The following KLF12 variants were observed in gnomAD, a reference collection of about 807,000 sequenced individuals.
KLF12 encodes the protein KLF transcription factor 12, also known as Krueppel-like factor 12.
KLF12 carries 9 observed loss-of-function variants against 37.8 expected under a neutral mutation model. That is an observed-to-expected ratio of 0.24 (90% CI 0.14 to 0.42). The LOEUF (loss-of-function observed/expected upper bound fraction) is 0.42, where lower values mean the gene tolerates loss of function less well. Ranked by LOEUF, KLF12 falls within the 10% of genes least tolerant of loss-of-function variation. The probability of loss-of-function intolerance (pLI) is 1.00; values close to 1 mark genes in which losing one functional copy is unlikely to be tolerated. For synonymous variants in KLF12, 208 were observed against 202.1 expected, an observed-to-expected ratio of 1.03 and a Z score of -0.25; for missense variants, 411 against 516.0, an observed-to-expected ratio of 0.80 and a Z score of 1.97.
At chr13:74,298,247 A>G in the KLF12 span, among the ~76,000 whole-genome samples, 231 of 152,290 alleles carry the variant, frequency 1.5e-3, no homozygotes, top group Non-Finnish European at 2.4e-3. Flanking sequence ...TTTTCAGAGG[A>G]ATTTGCCTGA....
chr13:74,134,784 T>A (rs1222239851), upstream of KLF12, among the ~76,000 whole-genome samples: 4 of 151,466 alleles, frequency 2.6e-5, no homozygotes, highest in African/African-American at 9.7e-5. Flanking sequence ...CAGACAGGCT[T>A]AGGAGAATTC....
chr13:74,266,851 A>C, the KLF12 span, among the ~76,000 whole-genome samples: 2 of 152,210 alleles, frequency 1.3e-5, no homozygotes, highest in African/African-American at 2.4e-5. Context: ...AATAACAAAA[A>C]CCAGTGGACC....
intron 1 of KLF12, among the ~76,000 whole-genome samples, chr13:74,065,270 A>C (rs1156816781): frequency 6.6e-6 from 1 of 151,212 alleles, no homozygotes; most frequent in African/African-American, 2.4e-5. Flanking sequence ...TATCTAATTC[A>C]TATGCACATA....
the KLF12 span, among the ~76,000 whole-genome samples, chr13:74,198,697 GA>G: frequency 6.6e-6 from 1 of 152,004 alleles, no homozygotes; most frequent in East Asian, 1.9e-4. Context: ...GAGTTGAAAA[GA>G]AAAAAACCCA....
rs149303758 is a variant in KLF12, at chr13:73,729,115, T to C, written c.870-13590A>G. On this transcript the variant is annotated intron_variant, in intron 6 of 7. Transcript: ENST00000377669. ...TCAGCCCTGCTCTTACCTAGAACTT[T>C]TCATATCACTAAAGTTTCACGGCCA... Among the ~76,000 whole-genome samples the C allele has an allele frequency of 3.2e-3, 494 of 152,320 alleles. 2 individuals carry two copies. The highest frequency in any genetic ancestry group is 0.011 in the African/African-American group (470 of 41,566).
At chr13:73,953,008 G>GT (rs1483149979) in intron 2 of KLF12, among the ~76,000 whole-genome samples, 2 of 152,170 alleles carry the variant, frequency 1.3e-5, no homozygotes, top group Non-Finnish European at 2.9e-5. Flanking sequence ...AGTGCTGGTG[G>GT]TAAGAAAGAG....
chr13:74,164,414 T>C, the KLF12 span, among the ~76,000 whole-genome samples: 1 of 152,224 alleles, frequency 6.6e-6, no homozygotes, highest in Non-Finnish European at 1.5e-5. Context: ...TATTCTTTTT[T>C]ATATTACCCC....
intron 1 of KLF12, among the ~76,000 whole-genome samples, chr13:74,132,174 T>A (rs1878296647): frequency 6.6e-6 from 1 of 152,106 alleles, no homozygotes; most frequent in Non-Finnish European, 1.5e-5. Flanking sequence ...TCTAAAAGCG[T>A]TTCTTAGAAG....
chr13:74,257,377 T>C, the KLF12 span: 1 of 152,216 alleles, frequency 6.6e-6, no homozygotes, highest in Non-Finnish European at 1.5e-5. Flanking sequence ...AGAGTCCCTG[T>C]ACTCTCCAGC....
At chr13:74,121,173 G>A (rs1398349715) in intron 1 of KLF12, among the ~76,000 whole-genome samples, 1 of 152,004 alleles carries the variant, frequency 6.6e-6, no homozygotes. Context: ...TGACAGCACT[G>A]AAAAGAGAAT....
intron 5 of KLF12, among the ~76,000 whole-genome samples, chr13:73,771,361 C>G (rs1880258137): frequency 6.6e-6 from 1 of 152,178 alleles, no homozygotes. Flanking sequence ...CCTGATTTTC[C>G]TACTAAACTA....
rs1873654692 is a variant in KLF12 at position 73,688,872 on chromosome 13, C to T, written c.*6618G>A. The T allele has an allele frequency of 6.6e-6, 1 of 152,092 alleles. No homozygotes were observed. Among genetic ancestry groups the T allele is most frequent in the Non-Finnish European group, 1.5e-5 (1 of 68,022 alleles). The allele number at this position is 152,092 out of a possible 1,614,324, so 9.4% of individuals were successfully genotyped here. On this transcript the variant is annotated 3_prime_UTR_variant, in exon 8 of 8. Transcript: ENST00000377669. Reference sequence around the variant, plus strand: ...GCAGTGTGGTGGAGTGGGAAAGATACAGGCAGACCTCCAGGTCAGAGATAG... The same window carrying T: ...GCAGTGTGGTGGAGTGGGAAAGATATAGGCAGACCTCCAGGTCAGAGATAG...
At chr13:73,936,540 G>A (rs1388326096) in intron 3 of KLF12, among the ~76,000 whole-genome samples, 1 of 152,016 alleles carries the variant, frequency 6.6e-6, no homozygotes, top group African/African-American at 2.4e-5. Flanking sequence ...GGCCCCTCTG[G>A]AGATCTCCAG....
chr13:73,901,330 C>G (rs532267748), intron 3 of KLF12, among the ~76,000 whole-genome samples: 2 of 152,186 alleles, frequency 1.3e-5, no homozygotes, highest in African/African-American at 4.8e-5. Context: ...TAATTACAGT[C>G]TGTAGAACAG....
chr13:74,084,692 G>A (rs1195211554), intron 1 of KLF12, among the ~76,000 whole-genome samples: 1 of 152,048 alleles, frequency 6.6e-6, no homozygotes, highest in Admixed American at 6.6e-5. Flanking sequence ...TAAATAGATG[G>A]TTTAGGAAAC....
chr13:73,769,974 T>A (rs1311326515), intron 5 of KLF12, among the ~76,000 whole-genome samples: 1 of 152,178 alleles, frequency 6.6e-6, no homozygotes, highest in Non-Finnish European at 1.5e-5. Flanking sequence ...ACAAATACGT[T>A]CTTTTTCTAA....
chr13:73,929,717 C>G (rs1030498271), intron 3 of KLF12, among the ~76,000 whole-genome samples: 13 of 152,170 alleles, frequency 8.5e-5, no homozygotes, highest in African/African-American at 3.1e-4. Flanking sequence ...GTGTGTGGTG[C>G]CAGAAATGTC....
At chr13:74,227,687 C>A in the KLF12 span, among the ~76,000 whole-genome samples, 1 of 152,048 alleles carries the variant, frequency 6.6e-6, no homozygotes, top group Non-Finnish European at 1.5e-5. Context: ...CTAGGCTTCT[C>A]ATTCTAAAGT....
At chr13:73,796,305 C>T (rs994867066) in intron 5 of KLF12, among the ~76,000 whole-genome samples, 2 of 152,160 alleles carry the variant, frequency 1.3e-5, no homozygotes, top group African/African-American at 2.4e-5. Flanking sequence ...TATTAACCTG[C>T]TATATATCCT....
Sources: allele counts gnomAD v4.1 joint callset (sites outside exome capture counted in the v4.1 genomes callset), GRCh38; gene constraint gnomAD v4.1.1; transcripts MANE v1.5; gene names NCBI Gene and HGNC (gene_info 2026-07-23, HGNC 2026-07-21).